The following ADAM29 variants were observed in gnomAD, a reference collection of about 807,000 sequenced individuals.
ADAM29 encodes disintegrin and metalloproteinase domain-containing protein 29.
For missense variants in ADAM29, 969 were observed against 1,001.8 expected (o/e 0.97, Z 0.44); for synonymous variants, 367 against 342.3 (o/e 1.07, Z -0.80).
rs1274314778 is a variant in ADAM29 at position 174,976,303 on chromosome 4, G to T, written c.778G>T (p.Asp260Tyr). ...IWTNKNLIVV[D>Y]DVRKSVHLYC... Reference sequence around the variant, plus strand: ...GACCAATAAAAACCTCATTGTAGTAGATGATGTAAGGAAATCTGTGCACCT... The same window carrying T: ...GACCAATAAAAACCTCATTGTAGTATATGATGTAAGGAAATCTGTGCACCT... Residue 260 changes from aspartate to tyrosine, a missense_variant, in exon 5 of 5, where the codon GAT becomes TAT. Coordinates refer to ENST00000359240, the MANE Select transcript of ADAM29 (RefSeq NM_014269.4). 6.2e-7 allele frequency: 1 copy of T among 1,612,618 alleles called. No homozygotes were observed. The highest frequency in any genetic ancestry group is 1.1e-5 in the South Asian group (1 of 90,638).
intron 2 of ADAM29, among the ~76,000 whole-genome samples, chr4:174,921,225 T>A (rs1743143774): frequency 6.6e-6 from 1 of 152,180 alleles, no homozygotes. Flanking sequence ...ACTCAAATGT[T>A]ACATACAATT....
At position 174,920,774 on chromosome 4, in the gene ADAM29, GAA is replaced by G. The variant is rs1743118769; in HGVS notation, c.-466_-465del. ...GTTCATGATTTCGAAAAGCTTCAGA[GAA>G]AATAAAGATGCTTAATGTAAGTATC... is the stretch of plus-strand genomic sequence containing the variant. On this transcript the variant is annotated 5_prime_UTR_variant, in exon 2 of 5. It removes the in-frame stop codon of an upstream open reading frame in the 5' UTR. Transcript: ENST00000359240. 6.6e-6 allele frequency: 1 copy of G among 152,072 alleles called. No homozygotes were observed. The highest frequency in any genetic ancestry group is 1.5e-5 in the Non-Finnish European group (1 of 68,008). The allele number at this position is 152,072 out of a possible 1,614,324, so 9.4% of individuals were successfully genotyped here. A position where few individuals can be genotyped will look rare whatever the true frequency, so the allele number is the denominator to read the frequency against.
chr4:174,951,790 T>G (rs922305161), intron 4 of ADAM29, among the ~76,000 whole-genome samples: 3 of 152,104 alleles, frequency 2.0e-5, no homozygotes, highest in Non-Finnish European at 2.9e-5. Context: ...GCCTTTTGAG[T>G]AGCCTTTTCC....
chr4:174,921,363 T>C (rs1462195236), intron 2 of ADAM29, among the ~76,000 whole-genome samples: 1 of 152,206 alleles, frequency 6.6e-6, no homozygotes, highest in African/African-American at 2.4e-5. Flanking sequence ...TAGGACAAAC[T>C]GGCCTCTGTA....
At chr4:174,961,048 C>T (rs1466655545) in intron 4 of ADAM29, among the ~76,000 whole-genome samples, 1 of 152,120 alleles carries the variant, frequency 6.6e-6, no homozygotes, top group African/African-American at 2.4e-5. Context: ...TTACAAAAAC[C>T]AACCATTCTG....
intron 3 of ADAM29, among the ~76,000 whole-genome samples, chr4:174,932,590 G>T (rs1198164462): frequency 6.6e-6 from 1 of 152,094 alleles, no homozygotes; most frequent in Non-Finnish European, 1.5e-5. Flanking sequence ...TATCACATTG[G>T]GGTTTAAGTT....
intron 4 of ADAM29, among the ~76,000 whole-genome samples, chr4:174,963,126 G>A (rs934197895): frequency 2.6e-5 from 4 of 151,798 alleles, no homozygotes; most frequent in African/African-American, 9.7e-5. Context: ...CATGTACATG[G>A]GAAAACACAT....
At chr4:174,958,970 A>G (rs1010875673) in intron 4 of ADAM29, among the ~76,000 whole-genome samples, 1 of 133,896 alleles carries the variant, frequency 7.5e-6, no homozygotes, top group African/African-American at 3.0e-5. Context: ...ATATTCTTGA[A>G]TTACCTAAAT....
intron 3 of ADAM29, among the ~76,000 whole-genome samples, chr4:174,934,014 C>T (rs754176134): frequency 1.7e-4 from 26 of 152,070 alleles, no homozygotes; most frequent in African/African-American, 2.9e-4. Context: ...CTAGGTTGAA[C>T]GGTGCTTCTG....
rs185400606 is a variant in ADAM29 at position 174,921,554 on chromosome 4, A to G, written c.-451+762A>G. Among the ~76,000 whole-genome samples the G allele has an allele frequency of 1.2e-4, 18 of 152,324 alleles. No homozygotes were observed. In the East Asian group the frequency reaches 3.5e-3, roughly 29 times the overall value. On this transcript the variant is annotated intron_variant, in intron 2 of 4. Coordinates refer to ENST00000359240, the MANE Select transcript of ADAM29 (RefSeq NM_014269.4). The stretch of plus-strand genomic sequence containing the variant: ...ATGGACGCACAAAAGCCTACTGCCT[A>G]TTATCCAAAAAGTGAACAGGAATAT...
intron 4 of ADAM29, among the ~76,000 whole-genome samples, chr4:174,955,010 A>G (rs1745417375): frequency 6.6e-6 from 1 of 152,164 alleles, no homozygotes; most frequent in South Asian, 2.1e-4. Context: ...TTATATCATA[A>G]AGATTTTAAA....
chr4:174,952,148 A>G (rs1745215078), intron 4 of ADAM29, among the ~76,000 whole-genome samples: 1 of 152,154 alleles, frequency 6.6e-6, no homozygotes, highest in African/African-American at 2.4e-5. Flanking sequence ...ATTTTAATGT[A>G]TTAATTAAAA....
chr4:174,969,747 T>C (rs998380675), intron 4 of ADAM29, among the ~76,000 whole-genome samples: 1 of 152,112 alleles, frequency 6.6e-6, no homozygotes, highest in Non-Finnish European at 1.5e-5. Flanking sequence ...TTTGAAAATA[T>C]AATTTATACT....
At position 174,977,449 on chromosome 4, in the gene ADAM29, T is replaced by C. The variant is rs1346516712; in HGVS notation, c.1924T>C (p.Cys642Arg). The change falls in exon 5 of 5, where the codon TGC (cysteine) becomes CGC (arginine). Residue 642 changes from cysteine (C) to arginine (R), a missense_variant. Cys to Arg is a radical substitution (Grantham distance 180). Transcript: ENST00000359240. ...KRGICNNKHH[C>R]HCNYLWDPPN... is the part of the protein sequence containing the mutation. ...GGGCATCTGCAACAATAAACATCAC[T>C]GCCATTGCAATTATCTGTGGGACCC... 1.2e-6 allele frequency: 2 copies of C among 1,613,774 alleles called. No individual in the cohort carries two copies. The highest frequency in any genetic ancestry group is 1.7e-6 in the Non-Finnish European group (2 of 1,179,922).
intron 4 of ADAM29, among the ~76,000 whole-genome samples, chr4:174,943,823 A>C (rs1744686286): frequency 1.3e-5 from 1 of 79,606 alleles, no homozygotes; most frequent in Non-Finnish European, 3.6e-5. Context: ...CAGGAAAAAA[A>C]AAAAAGGAAG....
At chr4:174,943,997 G>A (rs1283097435) in intron 4 of ADAM29, among the ~76,000 whole-genome samples, 2 of 151,396 alleles carry the variant, frequency 1.3e-5, no homozygotes, top group Admixed American at 1.3e-4. Context: ...TATACTGAAA[G>A]GTATACCACT....
intron 4 of ADAM29, among the ~76,000 whole-genome samples, chr4:174,952,899 CA>C (rs1323748236): frequency 1.3e-5 from 2 of 152,080 alleles, no homozygotes; most frequent in Non-Finnish European, 2.9e-5. Flanking sequence ...ACATATGATT[CA>C]AAAACTTCAC....
intron 4 of ADAM29, among the ~76,000 whole-genome samples, chr4:174,956,524 A>G (rs916482742): frequency 4.0e-4 from 21 of 52,194 alleles, no homozygotes; most frequent in Non-Finnish European, 7.6e-5. Flanking sequence ...GAGAGAGAGA[A>G]AAAAAAGAGA....
At chr4:174,926,819 A>G (rs188251522) in intron 2 of ADAM29, among the ~76,000 whole-genome samples, 41 of 152,192 alleles carry the variant, frequency 2.7e-4, no homozygotes, top group Non-Finnish European at 5.3e-4. Flanking sequence ...CAGTTTTACA[A>G]TGCTATCTAT....
Sources: gnomAD v4.1 joint callset for allele counts (sites outside exome capture counted in the v4.1 genomes callset) on GRCh38, gnomAD v4.1.1 for gene constraint, MANE v1.5 for transcripts, NCBI Gene and HGNC (gene_info 2026-07-23, HGNC 2026-07-21) for gene names.